The following PLEKHG6 variants were observed in gnomAD, a reference collection of about 807,000 sequenced individuals.
The protein encoded by PLEKHG6 is pleckstrin homology and RhoGEF domain containing G6.
In PLEKHG6, 91 loss-of-function variants were observed where a neutral mutation model predicts 97.5. The ratio of observed to expected loss-of-function variants is 0.93; its 90% CI spans 0.79 to 1.11. The LOEUF (loss-of-function observed/expected upper bound fraction) is 1.11, where lower values mean the gene tolerates loss of function less well. Ranked by LOEUF, PLEKHG6 falls within the 50% of genes most tolerant of loss-of-function variation. The pLI is 0.00. For synonymous variants in PLEKHG6, 466 were observed against 425.5 expected (o/e 1.10, Z -1.17); for missense variants, 1,044 against 1,031.0 (o/e 1.01, Z -0.17).
Position 6,328,275 on chromosome 12 carries a change from C to T in PLEKHG6, c.*130C>T. ...CCCAAAGGAAGCCTGGCCCAGGCAC[C>T]CTGCCTCCTGCTCTGTTTGGGGATC... On this transcript the variant is annotated 3_prime_UTR_variant, in exon 16 of 16. Coordinates refer to ENST00000684764, the MANE Select transcript of PLEKHG6 (RefSeq NM_001384598.1). 1 of 837,934 alleles carries T rather than the reference C, an allele frequency of 1.2e-6. No homozygotes were observed. Among genetic ancestry groups the T allele is most frequent in the Non-Finnish European group, 2.0e-6 (1 of 499,264 alleles). 51.9% of individuals were successfully genotyped at this position (837,934 alleles called of 1,614,324 possible).
chr12:6,326,219 C>T (rs528540138), intron 13 of PLEKHG6, among the ~76,000 whole-genome samples: 67 of 152,158 alleles, frequency 4.4e-4, no homozygotes, highest in Middle Eastern at 6.8e-3. Flanking sequence ...GCAGGAGAAT[C>T]GCTTGAACCC....
In PLEKHG6 at chr12:6,317,992, A is replaced by T; in HGVS notation, c.1153A>T (p.Lys385Ter). ...VLEPPSDEVE[K>*]NLRPFSTLDL... ...GGAGCCACCCAGTGATGAGGTGGAGAAGGTGAGAGGGCAAAGGGAAGGGAC... is the reference window on the plus strand; with the variant it reads ...GGAGCCACCCAGTGATGAGGTGGAGTAGGTGAGAGGGCAAAGGGAAGGGAC... Residue 385 changes from lysine (K) to a stop codon, truncating the protein, a stop_gained and splice_region_variant, in exon 10 of 16, where the codon AAG becomes TAG. Coordinates refer to ENST00000684764, the MANE Select transcript of PLEKHG6 (RefSeq NM_001384598.1). LOFTEE classifies it high-confidence loss of function. 6.3e-7 allele frequency: 1 copy of T among 1,588,726 alleles called. No individual in the cohort carries two copies. Among genetic ancestry groups the T allele is most frequent in the Non-Finnish European group, 8.6e-7 (1 of 1,167,082 alleles).
chr12:6,316,202 C>T lies in PLEKHG6; in HGVS notation c.607-53C>T, dbSNP rs1947451508. 2 of 1,486,584 alleles carry T rather than the reference C, an allele frequency of 1.3e-6. No individual in the cohort carries two copies. The highest frequency in any genetic ancestry group is 2.6e-5 in the South Asian group (2 of 75,734). The allele number at this position is 1,486,584 out of a possible 1,614,324, so 92.1% of individuals were successfully genotyped here. ...GTCCTCACCTTTCCTCAGCCAGTGC[C>T]ACCCCTGGGGACCTTCCAAAAGTGT... is the stretch of plus-strand genomic sequence containing the variant. On this transcript the variant is annotated intron_variant, in intron 6 of 15. Transcript: ENST00000684764. The surrounding 1 kb of genome is among the most constrained non-coding windows in gnomAD (Gnocchi z 4.1).
At chr12:6,325,182 TC>T (rs1225547409) in intron 13 of PLEKHG6, among the ~76,000 whole-genome samples, 1 of 120,578 alleles carries the variant, frequency 8.3e-6, no homozygotes, top group Non-Finnish European at 1.7e-5. Flanking sequence ...TCCCTCCCCC[TC>T]CCCCTCCCCA....
At chr12:6,319,304 C>T (rs916299875) in intron 13 of PLEKHG6, 196 bp downstream of exon 13, 25 of 610,168 alleles carry the variant, frequency 4.1e-5, no homozygotes, top group Middle Eastern at 4.4e-4. Context: ...AAAAATTAGC[C>T]GGGCGTGGTG....
In PLEKHG6 at chr12:6,316,105, A is replaced by G. The variant is rs539871412; in HGVS notation, c.607-150A>G. 4.6e-5 allele frequency: 42 copies of G among 907,262 alleles called. No individual in the cohort carries two copies. In the Middle Eastern group the frequency reaches 9.8e-4, roughly 21 times the overall value. The allele number at this position is 907,262 out of a possible 1,614,324, so 56.2% of individuals were successfully genotyped here. A position where few individuals can be genotyped will look rare whatever the true frequency, so the allele number is the denominator to read the frequency against. ...CAGGCCCCCCATTTCTCAGACTGAC[A>G]TCCTTGAGATCTTCCAGGCCCAGTG... On this transcript the variant is annotated intron_variant, in intron 6 of 15. Transcript: ENST00000684764. The surrounding 1 kb of genome is among the most constrained non-coding windows in gnomAD (Gnocchi z 4.1).
intron 1 of PLEKHG6, among the ~76,000 whole-genome samples, chr12:6,311,795 A>T (rs941016936): frequency 8.6e-6 from 1 of 116,002 alleles, no homozygotes. Context: ...GGGGAAGGGG[A>T]TGGGGTTATA....
In PLEKHG6 at chr12:6,327,246, A is replaced by G; in HGVS notation, c.1671-8A>G. The G allele has an allele frequency of 1.3e-6, 2 of 1,550,252 alleles. No homozygotes were observed. Among genetic ancestry groups the G allele is most frequent in the East Asian group, 2.3e-5 (1 of 44,096 alleles). ...CCTACGCATCTGACTCTTTGCCATT[A>G]ACTGTAGGACTCCTGAGTTCTCGAC... On this transcript the variant is annotated splice_polypyrimidine_tract_variant and splice_region_variant and intron_variant, in intron 14 of 15. Transcript: ENST00000684764.
chr12:6,312,309 G>C lies in PLEKHG6; in HGVS notation c.83G>C (p.Arg28Pro), dbSNP rs151187687. The change falls in exon 2 of 16, where the codon CGA (arginine) becomes CCA (proline). Residue 28 changes from arginine (R) to proline (P), a missense_variant. Physicochemically the swap from Arg to Pro is moderately radical, Grantham distance 103 (BLOSUM62 -2). Coordinates refer to ENST00000684764, the MANE Select transcript of PLEKHG6 (RefSeq NM_001384598.1). ...ATTGAGACTTATGGGGGCCGGCATC[G>C]AGCCTCTGCTCAGAGCACTGCTGGC... The part of the protein sequence containing the change: ...SRIETYGGRH[R>P]ASAQSTAGRL... The C allele has an allele frequency of 6.4e-7, 1 of 1,571,722 alleles. No homozygotes were observed. Among genetic ancestry groups the C allele is most frequent in the African/African-American group, 1.4e-5 (1 of 71,638 alleles).
Position 6,328,476 on chromosome 12 carries a change from C to A in PLEKHG6, c.*331C>A. The A allele has an allele frequency of 3.8e-6, 1 of 263,690 alleles. No homozygotes were observed. The highest frequency in any genetic ancestry group is 7.1e-6 in the Non-Finnish European group (1 of 140,644). 16.3% of individuals were successfully genotyped at this position (263,690 alleles called of 1,614,324 possible). A position where few individuals can be genotyped will look rare whatever the true frequency, so the allele number is the denominator to read the frequency against. ...CCAGCCTGGGCAATATAGGGAAACC[C>A]TGTCTTTACAAAAAAAAATTTTAAA... On this transcript the variant is annotated 3_prime_UTR_variant, in exon 16 of 16. Coordinates refer to ENST00000684764, the MANE Select transcript of PLEKHG6 (RefSeq NM_001384598.1).
chr12:6,315,769 C>A lies in PLEKHG6; in HGVS notation c.556-100C>A. 8.1e-7 allele frequency: 1 copy of A among 1,240,026 alleles called. No homozygotes were observed. The highest frequency in any genetic ancestry group is 1.1e-6 in the Non-Finnish European group (1 of 879,486). 76.8% of individuals were successfully genotyped at this position (1,240,026 alleles called of 1,614,324 possible). On this transcript the variant is annotated intron_variant, in intron 5 of 15. Coordinates refer to ENST00000684764, the MANE Select transcript of PLEKHG6 (RefSeq NM_001384598.1). This position sits in a 1 kb window ranked among gnomAD's most constrained non-coding sequence, Gnocchi z 4.5. The stretch of plus-strand genomic sequence containing the variant: ...CAGGATTTCAGGCCAGTCTGGGATG[C>A]AGGGAGATAGGTCAGCAGTACTGAA...
chr12:6,314,608 T>G (rs892960788), intron 3 of PLEKHG6, among the ~76,000 whole-genome samples: 3 of 152,014 alleles, frequency 2.0e-5, no homozygotes, highest in Non-Finnish European at 4.4e-5. Context: ...AGACCACTGG[T>G]TCTCTAAGTC....
In PLEKHG6 at chr12:6,323,160, G is replaced by T. The variant is rs539678579; in HGVS notation, c.1525-3268G>T. On this transcript the variant is annotated intron_variant, in intron 13 of 15. Coordinates refer to ENST00000684764, the MANE Select transcript of PLEKHG6 (RefSeq NM_001384598.1). ...AATCCCAAGAGCTACTGAAAATTACGGGTATTTTACTATGCAAAACAACTC... is the reference window on the plus strand; with the variant it reads ...AATCCCAAGAGCTACTGAAAATTACTGGTATTTTACTATGCAAAACAACTC... Among the ~76,000 whole-genome samples the T allele has an allele frequency of 2.0e-5, 3 of 152,268 alleles. No homozygotes were observed. The South Asian group carries it at 6.2e-4, about 32-fold the overall frequency.
Position 6,318,692 on chromosome 12 carries a change from C to G in PLEKHG6, c.1276-53C>G, listed in dbSNP as rs537106431. 2.1e-5 allele frequency: 33 copies of G among 1,592,262 alleles called. No homozygotes were observed. The African/African-American group carries it at 2.9e-4, about 14-fold the overall frequency. ...GCCTGAGCCTCCTCCCGGACCAGCC[C>G]TGCCCCTGGCTCCAGCTGACCCTGT... On this transcript the variant is annotated intron_variant, in intron 11 of 15. Coordinates refer to ENST00000684764, the MANE Select transcript of PLEKHG6 (RefSeq NM_001384598.1).
At chr12:6,313,165 C>T in intron 2 of PLEKHG6, 2 of 1,550,090 alleles carry the variant, frequency 1.3e-6, no homozygotes, top group Non-Finnish European at 1.7e-6. Flanking sequence ...GGCTGCACGC[C>T]CCTGGGGAGA....
intron 7 of PLEKHG6, among the ~76,000 whole-genome samples, 170 bp from the exon 8 acceptor site, chr12:6,317,133 G>C (rs1947494258): frequency 6.6e-6 from 1 of 152,238 alleles, no homozygotes; most frequent in Admixed American, 6.5e-5. Flanking sequence ...AGAAAGGGGC[G>C]TAGCCTCGAG....
intron 2 of PLEKHG6, chr12:6,313,283 A>AC (rs1394609023): frequency 5.1e-6 from 6 of 1,172,712 alleles, no homozygotes; most frequent in Non-Finnish European, 6.2e-6. Flanking sequence ...TTGTCCATGC[A>AC]CCCCCCATGG....
At position 6,316,003 on chromosome 12, in the gene PLEKHG6, C is replaced by A; in HGVS notation, c.606+84C>A. ...GGGTGGGCCCTCCAGCCATCCCTGT[C>A]TGAATTCCCACTGCCCCGTTTTTTG... On this transcript the variant is annotated intron_variant, in intron 6 of 15. Transcript: ENST00000684764. This position sits in a 1 kb window ranked among gnomAD's most constrained non-coding sequence, Gnocchi z 4.1. 1 of 1,290,850 alleles carries A rather than the reference C, an allele frequency of 7.7e-7. No individual in the cohort carries two copies. The highest frequency in any genetic ancestry group is 1.4e-5 in the South Asian group (1 of 72,964). 80.0% of individuals were successfully genotyped at this position (1,290,850 alleles called of 1,614,324 possible).
At chr12:6,319,454 A>AT (rs973267165) in intron 13 of PLEKHG6, 74 of 1,146,808 alleles carry the variant, frequency 6.5e-5, no homozygotes, top group Non-Finnish European at 8.3e-5. Flanking sequence ...AAGAAGAAGG[A>AT]AAAAAAAAAG....
Sources: allele counts gnomAD v4.1 joint callset (sites outside exome capture counted in the v4.1 genomes callset), GRCh38; gene constraint gnomAD v4.1.1; non-coding constraint Gnocchi (gnomAD v3.1); transcripts MANE v1.5; gene names NCBI Gene and HGNC (gene_info 2026-07-23, HGNC 2026-07-21).